Variants in CTNND2 observed in about 807,000 individuals in gnomAD.
CTNND2 encodes the protein catenin delta-2.
In CTNND2, 22 loss-of-function variants were observed where a neutral mutation model predicts 144.4. That is an observed-to-expected ratio of 0.15 (90% CI 0.11 to 0.22). CTNND2 has a LOEUF of 0.22. CTNND2 is among the 10% of genes least tolerant of loss of function. The pLI is 1.00. For missense variants in CTNND2, 1,353 were observed against 1,618.8 expected (o/e 0.84, Z 2.82); for synonymous variants, 751 against 695.6 (o/e 1.08, Z -1.25).
chr5:11,667,539 T>C (rs147861327), intron 2 of CTNND2, among the ~76,000 whole-genome samples: 2,064 of 152,344 alleles, frequency 0.014, 20 homozygotes, highest in East Asian at 0.057. Flanking sequence ...TTTTTTCATA[T>C]GTCTGTTGGC....
At chr5:11,641,706 ACGTGTG>A (rs1162358939) in intron 2 of CTNND2, among the ~76,000 whole-genome samples, 2 of 132,280 alleles carry the variant, frequency 1.5e-5, no homozygotes, top group African/African-American at 6.1e-5. Flanking sequence ...ATATACATAT[ACGTGTG>A]TGTATACATA....
At chr5:11,070,620 C>A (rs1748153901) in intron 16 of CTNND2, among the ~76,000 whole-genome samples, 1 of 152,016 alleles carries the variant, frequency 6.6e-6, no homozygotes. Context: ...ACTCAGGGAA[C>A]AACAGTAACA....
At chr5:11,620,250 C>G (rs1780768001) in intron 2 of CTNND2, among the ~76,000 whole-genome samples, 1 of 152,016 alleles carries the variant, frequency 6.6e-6, no homozygotes, top group Non-Finnish European at 1.5e-5. Flanking sequence ...TTGTGTACCC[C>G]TAAAGAGAGT....
chr5:11,652,961 A>C (rs1782718776), intron 2 of CTNND2, among the ~76,000 whole-genome samples: 2 of 152,122 alleles, frequency 1.3e-5, no homozygotes, highest in Admixed American at 1.3e-4. Flanking sequence ...AAAAGAGATC[A>C]TGCAGCATTT....
intron 2 of CTNND2, among the ~76,000 whole-genome samples, chr5:11,622,923 T>A (rs1780927099): frequency 6.6e-6 from 1 of 152,210 alleles, no homozygotes; most frequent in Admixed American, 6.6e-5. Context: ...ATCCTTCTTT[T>A]ATTGTTGCTA....
intron 1 of CTNND2, among the ~76,000 whole-genome samples, chr5:11,779,370 A>G (rs1397815704): frequency 6.6e-6 from 1 of 152,200 alleles, no homozygotes; most frequent in Non-Finnish European, 1.5e-5. Flanking sequence ...GTTTAGTGCT[A>G]TTTACCTGAG....
At chr5:11,177,368 T>A (rs1007880721) in intron 11 of CTNND2, among the ~76,000 whole-genome samples, 12 of 152,176 alleles carry the variant, frequency 7.9e-5, no homozygotes, top group African/African-American at 2.9e-4. Context: ...TTACTATGTA[T>A]CTACAACATG....
At chr5:11,525,972 T>C (rs1227620568) in intron 3 of CTNND2, among the ~76,000 whole-genome samples, 5 of 152,208 alleles carry the variant, frequency 3.3e-5, no homozygotes, top group Non-Finnish European at 4.4e-5. Flanking sequence ...TGGCACTATC[T>C]TGGCTCACTA....
intron 16 of CTNND2, among the ~76,000 whole-genome samples, chr5:11,028,849 C>A (rs979580222): frequency 6.6e-6 from 1 of 152,130 alleles, no homozygotes; most frequent in African/African-American, 2.4e-5. Flanking sequence ...GCTGAGATTA[C>A]AGGTATGTGA....
chr5:11,813,277 T>C (rs1477483513), intron 1 of CTNND2, among the ~76,000 whole-genome samples: 2 of 152,202 alleles, frequency 1.3e-5, no homozygotes. Flanking sequence ...CTCCGCAATA[T>C]TCGCATAACG....
At chr5:11,306,183 A>T (rs749663681) in intron 9 of CTNND2, among the ~76,000 whole-genome samples, 2 of 152,228 alleles carry the variant, frequency 1.3e-5, no homozygotes, top group Admixed American at 1.3e-4. Flanking sequence ...CGGAGAAGCC[A>T]GTTAGGAGGC....
At chr5:11,062,467 C>A (rs1355822536) in intron 16 of CTNND2, among the ~76,000 whole-genome samples, 1 of 152,220 alleles carries the variant, frequency 6.6e-6, no homozygotes, top group Non-Finnish European at 1.5e-5. Context: ...GTGTTTCATA[C>A]CACACAGTTG....
chr5:11,102,869 C>T (rs1269145488), intron 14 of CTNND2, among the ~76,000 whole-genome samples: 1 of 150,742 alleles, frequency 6.6e-6, no homozygotes, highest in Non-Finnish European at 1.5e-5. Context: ...TGGGGCTGTG[C>T]TCAATGTGTA....
chr5:11,431,420 G>A (rs112221935), intron 3 of CTNND2, among the ~76,000 whole-genome samples: 3,132 of 152,192 alleles, frequency 0.021, 126 homozygotes, highest in African/African-American at 0.072. Context: ...TTTCTCCCTC[G>A]CCTTGTCTCT....
At chr5:11,335,366 T>C (rs1025478960) in intron 9 of CTNND2, among the ~76,000 whole-genome samples, 1 of 152,210 alleles carries the variant, frequency 6.6e-6, no homozygotes, top group Non-Finnish European at 1.5e-5. Flanking sequence ...ACCTGCTTTG[T>C]AAGACAATAA....
intron 16 of CTNND2, among the ~76,000 whole-genome samples, chr5:11,071,686 A>AG (rs200838804): frequency 0.023 from 3,538 of 151,762 alleles, 152 homozygotes; most frequent in African/African-American, 0.081. Context: ...GTGATGTGGG[A>AG]GGGGGGAGTG....
At chr5:11,453,178 C>T (rs766896823) in intron 3 of CTNND2, among the ~76,000 whole-genome samples, 1 of 152,160 alleles carries the variant, frequency 6.6e-6, no homozygotes, top group Non-Finnish European at 1.5e-5. Flanking sequence ...CTGCAAGATG[C>T]CTCTCTCCTA....
intron 3 of CTNND2, among the ~76,000 whole-genome samples, chr5:11,416,085 TC>T (rs1761912043): frequency 1.3e-5 from 2 of 152,316 alleles, no homozygotes; most frequent in African/African-American, 4.8e-5. Flanking sequence ...CTAAGGCATT[TC>T]TTGCTCTTGC....
At chr5:11,115,150 C>T (rs575068288) in intron 13 of CTNND2, among the ~76,000 whole-genome samples, 2 of 152,264 alleles carry the variant, frequency 1.3e-5, no homozygotes, top group African/African-American at 4.8e-5. Context: ...CTGAATACTC[C>T]CAATTATTTC....
Sources: allele counts gnomAD v4.1 joint callset (sites outside exome capture counted in the v4.1 genomes callset), GRCh38; gene constraint gnomAD v4.1.1; transcripts MANE v1.5; gene names NCBI Gene and HGNC (gene_info 2026-07-23, HGNC 2026-07-21).